The following CADPS2 variants were observed in gnomAD, a reference collection of about 807,000 sequenced individuals.
CADPS2 encodes the protein calcium-dependent secretion activator 2.
CADPS2 carries 93 observed loss-of-function variants against 172.5 expected under a neutral mutation model. That is an observed-to-expected ratio of 0.54 (90% CI 0.46 to 0.64). CADPS2 has a LOEUF of 0.64. Among genes scored for constraint, CADPS2 ranks in the 30% least tolerant of loss-of-function variants. CADPS2 has a pLI of 0.00. For missense variants in CADPS2, 1,420 were observed against 1,565.9 expected (o/e 0.91, Z 1.57); for synonymous variants, 546 against 555.2 (o/e 0.98, Z 0.23).
At chr7:122,390,542 T>C (rs2044244090) in intron 22 of CADPS2, among the ~76,000 whole-genome samples, 1 of 152,032 alleles carries the variant, frequency 6.6e-6, no homozygotes, top group South Asian at 2.1e-4. Context: ...ACAAAATCTC[T>C]AATGGTAAAG....
intron 1 of CADPS2, among the ~76,000 whole-genome samples, chr7:122,881,397 G>A (rs1822893810): frequency 6.6e-6 from 1 of 152,178 alleles, no homozygotes; most frequent in South Asian, 2.1e-4. Context: ...AGGATACCCT[G>A]TGGAAGGTTA....
chr7:122,797,208 G>A (rs1156538911), intron 1 of CADPS2, among the ~76,000 whole-genome samples: 1 of 152,056 alleles, frequency 6.6e-6, no homozygotes, highest in Non-Finnish European at 1.5e-5. Flanking sequence ...AACAGATGAT[G>A]GTGATGTTGC....
intron 1 of CADPS2, among the ~76,000 whole-genome samples, chr7:122,801,555 C>G (rs1274618622): frequency 1.3e-5 from 2 of 152,240 alleles, no homozygotes; most frequent in Non-Finnish European, 2.9e-5. Flanking sequence ...AAATATTACA[C>G]ATGTTCCCAT....
At chr7:122,681,239 T>G in intron 2 of CADPS2, 1 of 716,710 alleles carries the variant, frequency 1.4e-6, no homozygotes, top group East Asian at 2.6e-5. Flanking sequence ...GTAATGAACC[T>G]GCACAATGTG....
intron 28 of CADPS2, among the ~76,000 whole-genome samples, chr7:122,329,181 A>C (rs2150782560): frequency 6.6e-6 from 1 of 152,288 alleles, no homozygotes; most frequent in East Asian, 1.9e-4. Flanking sequence ...CAGCTTTCTT[A>C]AACACCCTGA....
intron 1 of CADPS2, among the ~76,000 whole-genome samples, chr7:122,875,141 G>A (rs566851142): frequency 4.6e-5 from 7 of 152,306 alleles, no homozygotes; most frequent in African/African-American, 7.2e-5. Flanking sequence ...ATGTGTACAC[G>A]TTTGCAGATG....
chr7:122,425,284 C>A (rs930285502), intron 17 of CADPS2, among the ~76,000 whole-genome samples: 1 of 151,908 alleles, frequency 6.6e-6, no homozygotes, highest in Non-Finnish European at 1.5e-5. Flanking sequence ...CTCAGCCATA[C>A]ATTTTTTTAA....
At chr7:122,439,413 TC>T (rs1287441289) in intron 16 of CADPS2, 2 of 152,180 alleles carry the variant, frequency 1.3e-5, no homozygotes, top group African/African-American at 4.8e-5. Context: ...GACAATGCTT[TC>T]GTAAGTGCTC....
chr7:122,509,837 G>A (rs942561420), intron 9 of CADPS2, among the ~76,000 whole-genome samples: 1 of 152,046 alleles, frequency 6.6e-6, no homozygotes, highest in African/African-American at 2.4e-5. Flanking sequence ...ATAAGATAAA[G>A]TATTACAAAT....
chr7:122,401,456 T>C (rs1480162725), intron 20 of CADPS2, among the ~76,000 whole-genome samples: 2 of 152,168 alleles, frequency 1.3e-5, no homozygotes, highest in Admixed American at 1.3e-4. Context: ...CTGAAAGAAA[T>C]GATTTGTGCC....
At chr7:122,857,933 T>C (rs2141232445) in intron 1 of CADPS2, among the ~76,000 whole-genome samples, 1 of 152,246 alleles carries the variant, frequency 6.6e-6, no homozygotes, top group East Asian at 1.9e-4. Context: ...ACGACCTTTG[T>C]GGTGAGTGTT....
chr7:122,686,967 G>T (rs1217266642), intron 2 of CADPS2, among the ~76,000 whole-genome samples: 1 of 152,132 alleles, frequency 6.6e-6, no homozygotes, highest in South Asian at 2.1e-4. Flanking sequence ...TTACAGGGGT[G>T]AGCCACCACA....
chr7:122,325,670 G>A, intron 28 of CADPS2, 89 bp from the exon 29 acceptor site: 3 of 747,344 alleles, frequency 4.0e-6, no homozygotes, highest in Admixed American at 2.2e-5. Flanking sequence ...ATAATGAGGG[G>A]GTAATAAAAC....
At chr7:122,743,501 G>A (rs537658180) in intron 1 of CADPS2, among the ~76,000 whole-genome samples, 2 of 152,076 alleles carry the variant, frequency 1.3e-5, no homozygotes, top group African/African-American at 2.4e-5. Context: ...TACTTACAGT[G>A]GAAGCTGTGT....
At chr7:122,674,308 A>G (rs2082183933) in intron 2 of CADPS2, among the ~76,000 whole-genome samples, 1 of 152,224 alleles carries the variant, frequency 6.6e-6, no homozygotes, top group Non-Finnish European at 1.5e-5. Context: ...GGGCTCCTTG[A>G]GCATGGCCAG....
Position 122,622,827 on chromosome 7 carries a change from A to G in CADPS2, c.868-1110T>C, listed in dbSNP as rs116737929. Among the ~76,000 whole-genome samples, 1,348 of 152,202 alleles carry G rather than the reference A, an allele frequency of 8.9e-3. 20 individuals carry two copies. The highest frequency in any genetic ancestry group is 0.031 in the African/African-American group (1,287 of 41,520). On this transcript the variant is annotated intron_variant, in intron 4 of 29. Transcript: ENST00000449022. The stretch of plus-strand genomic sequence containing the variant: ...CTCCCTTGACATCATTCAAAATCTA[A>G]CCTAAGAAATCTGCATGTGTAGTAC...
chr7:122,504,691 C>T (rs2059479987), intron 9 of CADPS2, among the ~76,000 whole-genome samples: 1 of 152,124 alleles, frequency 6.6e-6, no homozygotes, highest in African/African-American at 2.4e-5. Flanking sequence ...CTCAGCCTCC[C>T]AAGTAACTGG....
chr7:122,789,342 G>C (rs1278953412), intron 1 of CADPS2, among the ~76,000 whole-genome samples: 1 of 152,168 alleles, frequency 6.6e-6, no homozygotes, highest in African/African-American at 2.4e-5. Flanking sequence ...TGCAAGGAAG[G>C]ATTGGCCTTT....
intron 9 of CADPS2, among the ~76,000 whole-genome samples, chr7:122,501,012 T>C (rs1051591829): frequency 6.6e-6 from 1 of 152,128 alleles, no homozygotes. Flanking sequence ...CCCAGCACTT[T>C]GGGAGGCTGA....
Sources: allele counts gnomAD v4.1 joint callset (sites outside exome capture counted in the v4.1 genomes callset), GRCh38; gene constraint gnomAD v4.1.1; transcripts MANE v1.5; gene names NCBI Gene and HGNC (gene_info 2026-07-23, HGNC 2026-07-21).